The following TLE1 variants were observed in gnomAD, a reference collection of about 807,000 sequenced individuals.
The protein encoded by TLE1 is TLE family member 1, transcriptional corepressor, also known as transducin-like enhancer protein 1.
TLE1 carries 21 observed loss-of-function variants against 89.8 expected under a neutral mutation model. That is an observed-to-expected ratio of 0.23 (90% CI 0.17 to 0.34). The LOEUF (loss-of-function observed/expected upper bound fraction) is 0.34, where lower values mean the gene tolerates loss of function less well. TLE1 is among the 10% of genes least tolerant of loss of function. The pLI, the probability that TLE1 is intolerant of heterozygous loss-of-function variation, is 1.00. For synonymous variants in TLE1, 447 were observed against 407.6 expected (o/e 1.10, Z -1.16); for missense variants, 795 against 1,031.2 (o/e 0.77, Z 3.14).
chr9:81,666,769 G>A (rs1033352314), intron 4 of TLE1, among the ~76,000 whole-genome samples: 2 of 119,612 alleles, frequency 1.7e-5, no homozygotes, highest in African/African-American at 3.8e-5. Flanking sequence ...AGCAAGACTC[G>A]TCTCACAAAA....
chr9:81,689,367 G>C lies in TLE1; in HGVS notation c.-1127C>G, dbSNP rs1265350018. The C allele has an allele frequency of 1.3e-5, 2 of 152,510 alleles. No homozygotes were observed. The highest frequency in any genetic ancestry group is 2.4e-5 in the African/African-American group (1 of 41,464). The allele number at this position is 152,510 out of a possible 1,614,324, so 9.4% of individuals were successfully genotyped here. ...GCCAGCGGGGGTTTTGGTCGCCGCG[G>C]GACGACGGAGGTCCGGGCTGGTGGC... On this transcript the variant is annotated 5_prime_UTR_variant, in exon 1 of 20. Coordinates refer to ENST00000376499, the MANE Select transcript of TLE1 (RefSeq NM_005077.5).
intron 4 of TLE1, among the ~76,000 whole-genome samples, chr9:81,676,337 G>T (rs1832906843): frequency 6.6e-6 from 1 of 152,112 alleles, no homozygotes; most frequent in South Asian, 2.1e-4. Context: ...AGAAGCACAT[G>T]AAAAACCATT....
At chr9:81,611,642 T>G (rs1448415753) in intron 13 of TLE1, 127 bp downstream of exon 13, 4 of 923,446 alleles carry the variant, frequency 4.3e-6, no homozygotes, top group Non-Finnish European at 5.8e-6. Context: ...CGTCTTTGTC[T>G]CCGAGGTGTG....
intron 8 of TLE1, among the ~76,000 whole-genome samples, chr9:81,630,009 C>A (rs1826371501): frequency 6.6e-6 from 1 of 152,232 alleles, no homozygotes; most frequent in South Asian, 2.1e-4. Context: ...AAACAAACTA[C>A]CTACCAACCA....
chr9:81,606,717 T>A (rs1379460455), intron 14 of TLE1, among the ~76,000 whole-genome samples: 1 of 151,796 alleles, frequency 6.6e-6, no homozygotes, highest in African/African-American at 2.4e-5. Context: ...ATGGCACATG[T>A]ATACCTATGT....
chr9:81,658,198 A>G (rs962076535), intron 4 of TLE1, among the ~76,000 whole-genome samples: 3 of 152,096 alleles, frequency 2.0e-5, no homozygotes, highest in Non-Finnish European at 4.4e-5. Flanking sequence ...TAATCCTAGC[A>G]TGAGCCACTG....
chr9:81,608,179 C>A (rs1341301213), intron 14 of TLE1, among the ~76,000 whole-genome samples: 1 of 151,628 alleles, frequency 6.6e-6, no homozygotes, highest in Non-Finnish European at 1.5e-5. Context: ...GAGGCCAAGG[C>A]AGGAGGACTG....
At chr9:81,619,115 GCATGTCATAAACCTTC>G (rs1824919165) in intron 9 of TLE1, among the ~76,000 whole-genome samples, 2 of 152,136 alleles carry the variant, frequency 1.3e-5, no homozygotes, top group South Asian at 4.1e-4. Flanking sequence ...GCAAATCTCT[GCATGTCATAAACCTTC>G]CAACTTGCTT....
chr9:81,590,290 G>A (rs1829297293), intron 16 of TLE1, among the ~76,000 whole-genome samples: 1 of 152,164 alleles, frequency 6.6e-6, no homozygotes, highest in Non-Finnish European at 1.5e-5. Flanking sequence ...GAGCCCTGCG[G>A]GCTCCTGGGT....
At chr9:81,610,491 C>G (rs1446364826) in intron 13 of TLE1, among the ~76,000 whole-genome samples, 195 bp from the exon 14 acceptor site, 1 of 152,124 alleles carries the variant, frequency 6.6e-6, no homozygotes, top group Non-Finnish European at 1.5e-5. Flanking sequence ...GACCCACTTC[C>G]TTTTTGGGAG....
At chr9:81,612,223 A>C (rs1823812517) in intron 12 of TLE1, 1 of 888,972 alleles carries the variant, frequency 1.1e-6, no homozygotes, top group South Asian at 5.9e-5. Context: ...CCAGGAAGCC[A>C]GGGGAATTAA....
chr9:81,656,799 GTTTCA>G (rs1564035752), intron 4 of TLE1, among the ~76,000 whole-genome samples: 1 of 152,188 alleles, frequency 6.6e-6, no homozygotes, highest in Non-Finnish European at 1.5e-5. Context: ...GAATATTTAT[GTTTCA>G]TTTAATTTTG....
chr9:81,661,534 A>T (rs879285715), intron 4 of TLE1, among the ~76,000 whole-genome samples: 10 of 152,096 alleles, frequency 6.6e-5, no homozygotes, highest in Non-Finnish European at 1.0e-4. Flanking sequence ...GATGGATCAT[A>T]AAAAAATGGT....
At chr9:81,586,217 C>T (rs915678740) in intron 17 of TLE1, among the ~76,000 whole-genome samples, 1 of 152,136 alleles carries the variant, frequency 6.6e-6, no homozygotes, top group African/African-American at 2.4e-5. Flanking sequence ...CGGGGTTTCA[C>T]CGTGCCAGCC....
chr9:81,593,118 C>T lies in TLE1; in HGVS notation c.1488G>A (p.Thr496=), dbSNP rs1829769962. The T allele has an allele frequency of 5.0e-6, 8 of 1,614,128 alleles. No homozygotes were observed. The highest frequency in any genetic ancestry group is 4.5e-5 in the East Asian group (2 of 44,866). The change falls in exon 15 of 20, where the codon ACG becomes ACA. Residue 496 remains threonine, a synonymous_variant. Coordinates refer to ENST00000376499, the MANE Select transcript of TLE1 (RefSeq NM_005077.5). ...CCTTCCCGCCTGTGTACACGTGTCT[C>T]GTGGGGTTGCTGATGGTCACAGCGC... ...VVCAVTISNP[T]RHVYTGGKGC... is the part of the protein sequence containing the mutation.
At chr9:81,686,198 T>C (rs567674653) in intron 2 of TLE1, among the ~76,000 whole-genome samples, 2 of 152,350 alleles carry the variant, frequency 1.3e-5, no homozygotes, top group Non-Finnish European at 2.9e-5. Flanking sequence ...CCTACCTTCC[T>C]GCATCAGTTT....
At chr9:81,589,291 A>G (rs1829095521) in intron 16 of TLE1, among the ~76,000 whole-genome samples, 1 of 152,186 alleles carries the variant, frequency 6.6e-6, no homozygotes, top group Non-Finnish European at 1.5e-5. Context: ...AGTACCTGGC[A>G]GCTGCTCCCC....
At chr9:81,668,791 T>TACTA (rs1439250753) in intron 4 of TLE1, among the ~76,000 whole-genome samples, 1 of 152,174 alleles carries the variant, frequency 6.6e-6, no homozygotes, top group African/African-American at 2.4e-5. Context: ...GTCTAAGATA[T>TACTA]ACTAGGGAAG....
intron 4 of TLE1, among the ~76,000 whole-genome samples, chr9:81,667,582 C>T (rs1187329202): frequency 6.6e-6 from 1 of 152,076 alleles, no homozygotes; most frequent in Non-Finnish European, 1.5e-5. Flanking sequence ...AAACAGCTCT[C>T]TACAAGGAGA....
Sources: allele counts gnomAD v4.1 joint callset (sites outside exome capture counted in the v4.1 genomes callset), GRCh38; gene constraint gnomAD v4.1.1; transcripts MANE v1.5; gene names NCBI Gene and HGNC (gene_info 2026-07-23, HGNC 2026-07-21).